Variants in FOCAD observed in about 807,000 individuals in gnomAD.
FOCAD encodes KIAA1797.
In FOCAD, 198 loss-of-function variants were observed where a neutral mutation model predicts 225.6. The ratio of observed to expected loss-of-function variants is 0.88; its 90% CI spans 0.78 to 0.99. FOCAD has a LOEUF of 0.99. FOCAD is among the 50% of genes least tolerant of loss of function. The pLI is 0.00. For missense variants in FOCAD, 2,713 were observed against 2,123.6 expected (o/e 1.28, Z -5.46); for synonymous variants, 897 against 755.0 (o/e 1.19, Z -3.08).
At chr9:20,887,722 C>T (rs575909304) in intron 21 of FOCAD, among the ~76,000 whole-genome samples, 29 of 152,236 alleles carry the variant, frequency 1.9e-4, no homozygotes, top group African/African-American at 6.7e-4. Context: ...GAGAGTGCAA[C>T]GTCATGTGGT....
rs568292324 is a variant in FOCAD at position 20,810,055 on chromosome 9, C to T, written c.1456-9741C>T. 2.6e-4 allele frequency among the ~76,000 whole-genome samples: 40 copies of T among 152,170 alleles called. No homozygotes were observed. The East Asian group carries it at 5.8e-3, about 22-fold the overall frequency. On this transcript the variant is annotated intron_variant, in intron 11 of 43. Coordinates refer to ENST00000338382, the MANE Select transcript of FOCAD (RefSeq NM_001375567.1). ...GACTCAGCATAGAGCTGTAACCATG[C>T]TTAAGATTTATTACAGTGAAAGGAT...
intron 11 of FOCAD, among the ~76,000 whole-genome samples, chr9:20,815,123 G>GTGTGTTTTTTTTTTTTTTTTTTTTTTTT (rs1564024181): frequency 1.2e-5 from 1 of 85,398 alleles, no homozygotes; most frequent in Non-Finnish European, 2.2e-5. Context: ...ACTTCTCTTT[G>GTGTGTTTTTTTTTTTTTTTTTTTTTTTT]TTTTTTTTTT....
chr9:20,808,400 T>G (rs1178944532), intron 11 of FOCAD, among the ~76,000 whole-genome samples: 1 of 152,098 alleles, frequency 6.6e-6, no homozygotes, highest in Admixed American at 6.5e-5. Flanking sequence ...CACAGGCTAG[T>G]GTGTGTGAGA....
At chr9:20,948,220 T>G in intron 30 of FOCAD, 51 bp from the exon 31 acceptor site, 2 of 1,525,120 alleles carry the variant, frequency 1.3e-6, no homozygotes, top group East Asian at 4.6e-5. Context: ...ATTCTAAATC[T>G]GTGTCTTTTT....
intron 1 of FOCAD, among the ~76,000 whole-genome samples, chr9:20,712,913 A>T (rs1403795215): frequency 3.3e-5 from 5 of 151,712 alleles, no homozygotes; most frequent in Non-Finnish European, 7.4e-5. Context: ...TTGTATTTTT[A>T]GTAGAGACAG....
At chr9:20,762,622 G>A (rs933400817) in intron 6 of FOCAD, among the ~76,000 whole-genome samples, 1 of 152,118 alleles carries the variant, frequency 6.6e-6, no homozygotes, top group Non-Finnish European at 1.5e-5. Flanking sequence ...GAAATGTATG[G>A]TATTGTAAGA....
chr9:20,827,084 A>G (rs920478613), intron 15 of FOCAD, among the ~76,000 whole-genome samples: 1 of 152,140 alleles, frequency 6.6e-6, no homozygotes, highest in African/African-American at 2.4e-5. Context: ...TTTAATGTAT[A>G]TAATTTAATG....
intron 35 of FOCAD, among the ~76,000 whole-genome samples, chr9:20,968,811 T>C (rs1266125793): frequency 2.0e-5 from 3 of 152,148 alleles, no homozygotes; most frequent in Non-Finnish European, 4.4e-5. Flanking sequence ...TTGGGTATAT[T>C]TGCTCTTCTT....
chr9:20,833,429 T>G (rs1418198790), intron 15 of FOCAD, among the ~76,000 whole-genome samples: 1 of 152,100 alleles, frequency 6.6e-6, no homozygotes. Context: ...ATTTTTCAAA[T>G]TGATTCCAAT....
intron 8 of FOCAD, among the ~76,000 whole-genome samples, chr9:20,778,089 CA>C (rs1184354592): frequency 4.3e-4 from 36 of 84,184 alleles, no homozygotes; most frequent in East Asian, 9.7e-4. Context: ...GACTCCGTCT[CA>C]AAAAAAAAAA....
chr9:20,983,570 CAAA>C (rs371636885), intron 39 of FOCAD, among the ~76,000 whole-genome samples: 13 of 98,424 alleles, frequency 1.3e-4, no homozygotes, highest in African/African-American at 1.1e-4. Context: ...GACTCTGTCT[CAAA>C]AAAAAAAAAA....
At chr9:20,668,883 A>G (rs901860263) in intron 2 of FOCAD, among the ~76,000 whole-genome samples, 1 of 152,170 alleles carries the variant, frequency 6.6e-6, no homozygotes, top group Non-Finnish European at 1.5e-5. Context: ...TTTATTGCCC[A>G]TCCTGTTCCC....
rs374566486 is a variant in FOCAD at position 20,929,397 on chromosome 9, C to T, written c.3118C>T (p.Arg1040Cys). The change falls in exon 27 of 44, where the codon CGT becomes TGT. Residue 1040 changes from arginine (R) to cysteine (C), a missense_variant. Transcript: ENST00000338382. ...TGAAAACACAGCTAGTGCCATTGCC[C>T]GTTCTGCTGCCGCCACGGCTTTGTC... ...SGENTASAIA[R>C]SAAATALSLL... 3.1e-5 allele frequency: 50 copies of T among 1,614,024 alleles called. No individual in the cohort carries two copies. Among genetic ancestry groups the T allele is most frequent in the South Asian group, 8.8e-5 (8 of 91,066 alleles).
chr9:20,699,214 T>C (rs1337449932), intron 1 of FOCAD, among the ~76,000 whole-genome samples: 6 of 152,192 alleles, frequency 3.9e-5, no homozygotes, highest in East Asian at 1.9e-4. Context: ...TAAGCCAGAT[T>C]GGGAGCAATT....
intron 15 of FOCAD, among the ~76,000 whole-genome samples, chr9:20,843,722 GGATTTTCCTTA>G (rs1364474496): frequency 1.3e-5 from 2 of 151,894 alleles, no homozygotes; most frequent in African/African-American, 2.4e-5. Context: ...ACCTCCTCTA[GGATTTTCCTTA>G]GATTTTCCTT....
At chr9:20,700,952 T>C (rs1430967497) in intron 1 of FOCAD, among the ~76,000 whole-genome samples, 3 of 152,226 alleles carry the variant, frequency 2.0e-5, no homozygotes. Context: ...TGCAGCAGGC[T>C]TGGTCAGTGG....
chr9:20,929,241 G>T (rs1587640861), intron 26 of FOCAD, 117 bp from the exon 27 acceptor site: 1 of 701,170 alleles, frequency 1.4e-6, no homozygotes, highest in Non-Finnish European at 2.4e-6. Flanking sequence ...GTATTATTTT[G>T]GGTGTCGGCC....
chr9:20,664,093 A>G (rs896374986), intron 2 of FOCAD, among the ~76,000 whole-genome samples: 14 of 152,090 alleles, frequency 9.2e-5, no homozygotes, highest in African/African-American at 3.4e-4. Flanking sequence ...TATTAATGAA[A>G]TGAATGTATT....
At chr9:20,939,600 A>C (rs1376688781) in intron 28 of FOCAD, among the ~76,000 whole-genome samples, 1 of 152,110 alleles carries the variant, frequency 6.6e-6, no homozygotes, top group Admixed American at 6.5e-5. Context: ...AAAATTTCGT[A>C]TGTCCAAGCA....
Sources: allele counts gnomAD v4.1 joint callset (sites outside exome capture counted in the v4.1 genomes callset), GRCh38; gene constraint gnomAD v4.1.1; transcripts MANE v1.5; gene names NCBI Gene and HGNC (gene_info 2026-07-23, HGNC 2026-07-21).